ACYP2: variants seen among roughly 807,000 people sequenced by gnomAD.
ACYP2 encodes the protein acylphosphatase 2.
ACYP2 carries 12 observed loss-of-function variants against 11.2 expected under a neutral mutation model. That is an observed-to-expected ratio of 1.08 (90% CI 0.69 to 1.74). The LOEUF (loss-of-function observed/expected upper bound fraction) is 1.74, where lower values mean the gene tolerates loss of function less well. Ranked by LOEUF, ACYP2 falls within the 40% of genes most tolerant of loss-of-function variation. The probability of loss-of-function intolerance (pLI) is 0.00; values close to 1 mark genes in which losing one functional copy is unlikely to be tolerated. For missense variants in ACYP2, 134 were observed against 101.9 expected, an observed-to-expected ratio of 1.31 and a Z score of -1.35; for synonymous variants, 43 against 32.2, an observed-to-expected ratio of 1.33 and a Z score of -1.13.
rs116643782 is a variant in ACYP2 at position 54,138,620 on chromosome 2, T to C, written c.295-19T>C. On this transcript the variant is annotated intron_variant, in intron 5 of 6. Transcript: ENST00000607452. Reference sequence around the variant, plus strand: ...CTTTTGATGCTGCACTTTATTCTTCTTGTTTTTTCCTGAAACAGTATACAG... The same window carrying C: ...CTTTTGATGCTGCACTTTATTCTTCCTGTTTTTTCCTGAAACAGTATACAG... The C allele has an allele frequency of 2.6e-3, 4,111 of 1,592,664 alleles. 96 individuals are homozygous for C. The African/African-American group carries it at 0.049, about 19-fold the overall frequency.
chr2:54,242,097 C>T (rs1269634821), intron 6 of ACYP2, among the ~76,000 whole-genome samples: 3 of 152,166 alleles, frequency 2.0e-5, no homozygotes, highest in South Asian at 2.1e-4. Flanking sequence ...AAAGTGCAGA[C>T]GCTATGACTA....
chr2:54,095,495 C>T (rs1409919241), intron 4 of ACYP2, among the ~76,000 whole-genome samples: 4 of 150,656 alleles, frequency 2.7e-5, no homozygotes, highest in East Asian at 2.0e-4. Context: ...CCGGACGGGG[C>T]GGCTGGCTGG....
At chr2:54,289,154 C>T (rs1158508023) in intron 6 of ACYP2, among the ~76,000 whole-genome samples, 1 of 151,940 alleles carries the variant, frequency 6.6e-6, no homozygotes, top group Admixed American at 6.6e-5. Context: ...ATTGAGCACA[C>T]CTTAAAGTCA....
intron 6 of ACYP2, among the ~76,000 whole-genome samples, chr2:54,223,509 T>C (rs150686525): frequency 2.0e-5 from 3 of 152,320 alleles, no homozygotes; most frequent in Non-Finnish European, 4.4e-5. Context: ...AAACTTGATA[T>C]GTTTATGAGC....
chr2:54,268,611 G>C (rs1004411398), intron 6 of ACYP2, among the ~76,000 whole-genome samples: 4 of 150,188 alleles, frequency 2.7e-5, no homozygotes, highest in African/African-American at 4.9e-5. Context: ...AAACCAGCCT[G>C]GGCAACATAG....
At chr2:54,105,462 C>T (rs1010197315) in intron 4 of ACYP2, among the ~76,000 whole-genome samples, 3 of 152,084 alleles carry the variant, frequency 2.0e-5, no homozygotes, top group Non-Finnish European at 4.4e-5. Context: ...ACCCCCATCT[C>T]TAAATTTTTT....
intron 4 of ACYP2, among the ~76,000 whole-genome samples, chr2:54,105,433 C>T (rs1000856877): frequency 6.6e-6 from 1 of 152,054 alleles, no homozygotes; most frequent in Non-Finnish European, 1.5e-5. Flanking sequence ...TCCCAGACAA[C>T]CTCTCTAAGC....
chr2:54,040,099 T>G (rs1262604495), intron 2 of ACYP2, among the ~76,000 whole-genome samples: 1 of 152,020 alleles, frequency 6.6e-6, no homozygotes, highest in Non-Finnish European at 1.5e-5. Context: ...CCACAGTAAT[T>G]TAGGTAAAAG....
intron 6 of ACYP2, among the ~76,000 whole-genome samples, chr2:54,199,092 C>G (rs943871984): frequency 6.6e-6 from 1 of 152,170 alleles, no homozygotes; most frequent in African/African-American, 2.4e-5. Flanking sequence ...TCTCAGAACA[C>G]CATTGCCTTT....
intron 4 of ACYP2, among the ~76,000 whole-genome samples, chr2:54,099,988 G>A (rs1465606020): frequency 6.6e-6 from 1 of 152,136 alleles, no homozygotes; most frequent in Non-Finnish European, 1.5e-5. Context: ...ATTCTAACAG[G>A]TGTGAGGCGG....
chr2:54,158,707 A>G (rs1446912621), intron 6 of ACYP2, among the ~76,000 whole-genome samples: 1 of 152,206 alleles, frequency 6.6e-6, no homozygotes, highest in Non-Finnish European at 1.5e-5. Flanking sequence ...AAAAATTATC[A>G]AGTGTTTTTC....
chr2:54,081,657 A>G (rs1357473571), intron 4 of ACYP2, among the ~76,000 whole-genome samples: 1 of 152,214 alleles, frequency 6.6e-6, no homozygotes, highest in African/African-American at 2.4e-5. Context: ...GGCTATTCAC[A>G]ATGTTAACTG....
At chr2:54,256,204 C>A in intron 6 of ACYP2, 1 of 1,537,516 alleles carries the variant, frequency 6.5e-7, no homozygotes, top group African/African-American at 1.4e-5. Context: ...AGGTAGGTAG[C>A]GTCAACGTTC....
At chr2:54,264,535 G>A (rs898056533) in intron 6 of ACYP2, among the ~76,000 whole-genome samples, 2 of 152,192 alleles carry the variant, frequency 1.3e-5, no homozygotes, top group African/African-American at 4.8e-5. Context: ...AGCCAGGAAG[G>A]GCGGAAGCCA....
intron 4 of ACYP2, among the ~76,000 whole-genome samples, chr2:54,077,988 A>C (rs964218218): frequency 1.3e-5 from 2 of 148,566 alleles, no homozygotes; most frequent in African/African-American, 4.9e-5. Flanking sequence ...TTTTTTTTTC[A>C]AGATGGAGTC....
intron 2 of ACYP2, among the ~76,000 whole-genome samples, chr2:54,017,925 C>G (rs2104543281): frequency 6.6e-6 from 1 of 152,108 alleles, no homozygotes; most frequent in East Asian, 1.9e-4. Context: ...GTCTTGAACT[C>G]CTGGCCTCAT....
At chr2:54,165,192 G>T (rs1172836653) in intron 6 of ACYP2, among the ~76,000 whole-genome samples, 3 of 152,160 alleles carry the variant, frequency 2.0e-5, no homozygotes, top group Non-Finnish European at 2.9e-5. Flanking sequence ...CCATCTTGGA[G>T]ACACTGTATA....
At chr2:54,219,650 G>A (rs891029455) in intron 6 of ACYP2, among the ~76,000 whole-genome samples, 8 of 151,560 alleles carry the variant, frequency 5.3e-5, no homozygotes, top group East Asian at 1.9e-4. Flanking sequence ...ACGGAGTCTC[G>A]CTCTGTTGCC....
intron 4 of ACYP2, chr2:54,080,326 T>G (rs1192965892): frequency 6.6e-6 from 1 of 152,254 alleles, no homozygotes. Flanking sequence ...TTTTATTATC[T>G]GCCTGACACA....
Sources: gnomAD v4.1 joint callset for allele counts (sites outside exome capture counted in the v4.1 genomes callset) on GRCh38, gnomAD v4.1.1 for gene constraint, MANE v1.5 for transcripts, NCBI Gene and HGNC (gene_info 2026-07-23, HGNC 2026-07-21) for gene names.